SDK1: variants seen among roughly 807,000 people sequenced by gnomAD.
SDK1 encodes the protein sidekick cell adhesion molecule 1, also known as protein sidekick-1.
SDK1 carries 157 observed loss-of-function variants against 245.5 expected under a neutral mutation model. The ratio of observed to expected loss-of-function variants is 0.64; its 90% confidence interval spans 0.56 to 0.73. The LOEUF (loss-of-function observed/expected upper bound fraction) is 0.73. SDK1 is among the 30% of genes least tolerant of loss of function. The pLI, the probability that SDK1 is intolerant of heterozygous loss-of-function variation, is 0.00. For missense variants in SDK1, 3,583 were observed against 3,002.3 expected (o/e 1.19, Z -4.52); for synonymous variants, 1,647 against 1,278.5 (o/e 1.29, Z -6.15).
At chr7:3,878,142 G>C (rs1039066103) in intron 5 of SDK1, among the ~76,000 whole-genome samples, 19 of 152,194 alleles carry the variant, frequency 1.2e-4, no homozygotes, top group African/African-American at 4.1e-4. Flanking sequence ...TGATAAATGA[G>C]AGAAGTTTCT....
rs140159178 is a variant in SDK1, at chr7:4,141,091, C to T, written c.4229-4631C>T. Among the ~76,000 whole-genome samples, 540 of 152,320 alleles carry T rather than the reference C, an allele frequency of 3.5e-3. 2 individuals are homozygous for T. Among genetic ancestry groups the T allele is most frequent in the Non-Finnish European group, 5.4e-3 (364 of 68,026 alleles). On this transcript the variant is annotated intron_variant, in intron 28 of 44. Transcript: ENST00000404826. ...CTGAGAGAGAGGCAAGGACCACACA[C>T]GAAAAACAATCCACAAACCCGAGGC...
At chr7:4,147,419 C>G (rs1780053554) in intron 29 of SDK1, among the ~76,000 whole-genome samples, 1 of 152,080 alleles carries the variant, frequency 6.6e-6, no homozygotes, top group Non-Finnish European at 1.5e-5. Flanking sequence ...AGGCATGAGC[C>G]ACTGTGCCCA....
intron 1 of SDK1, among the ~76,000 whole-genome samples, chr7:3,499,711 C>G (rs912726900): frequency 1.3e-5 from 2 of 152,154 alleles, no homozygotes; most frequent in Non-Finnish European, 2.9e-5. Context: ...AGAAACGGAG[C>G]TGAGTCTGGG....
intron 1 of SDK1, among the ~76,000 whole-genome samples, chr7:3,609,577 T>G (rs1243236915): frequency 6.6e-6 from 1 of 151,934 alleles, no homozygotes; most frequent in African/African-American, 2.4e-5. Flanking sequence ...ATTTTTTGTA[T>G]TTTCAGTAGA....
rs77979995 is a variant in SDK1, at chr7:3,669,008, A to G, written c.713+26903A>G. On this transcript the variant is annotated intron_variant, in intron 4 of 44. Transcript: ENST00000404826. ...TGCTGTGCCCCATTTGAAAAGGACA[A>G]TTGGCCACATAAGGGCTCAAGAAGT... Among the ~76,000 whole-genome samples, 936 of 152,296 alleles carry G rather than the reference A, an allele frequency of 6.1e-3. 7 individuals are homozygous for G. Among genetic ancestry groups the G allele is most frequent in the African/African-American group, 0.019 (808 of 41,554 alleles).
chr7:4,036,433 T>A (rs1788223835), intron 17 of SDK1, among the ~76,000 whole-genome samples: 1 of 152,268 alleles, frequency 6.6e-6, no homozygotes, highest in East Asian at 1.9e-4. Flanking sequence ...TGGATGCCGC[T>A]CTACCAGTCT....
In SDK1 at chr7:3,568,060, A is replaced by G. The variant is rs143563571; in HGVS notation, c.299-51020A>G. Among the ~76,000 whole-genome samples the G allele has an allele frequency of 5.2e-3, 787 of 152,228 alleles. 4 individuals carry two copies. Among genetic ancestry groups the G allele is most frequent in the African/African-American group, 0.018 (751 of 41,532 alleles). On this transcript the variant is annotated intron_variant, in intron 1 of 44. Transcript: ENST00000404826. ...GGTCTCAAACTCCTGAGCTCAAGCA[A>G]TCCTCCCACCTTAGCCTCACAAAGT... is the stretch of plus-strand genomic sequence containing the variant.
At chr7:4,219,912 C>T (rs1026835207) in intron 38 of SDK1, among the ~76,000 whole-genome samples, 197 bp from the exon 39 acceptor site, 5 of 151,926 alleles carry the variant, frequency 3.3e-5, no homozygotes, top group Non-Finnish European at 7.4e-5. Flanking sequence ...TCAGCACCCA[C>T]TTACCAAGCT....
At chr7:3,488,578 C>T (rs1419506222) in intron 1 of SDK1, among the ~76,000 whole-genome samples, 1 of 152,140 alleles carries the variant, frequency 6.6e-6, no homozygotes, top group Non-Finnish European at 1.5e-5. Context: ...CTTCCATGAT[C>T]ACAAAATGAT....
intron 1 of SDK1, among the ~76,000 whole-genome samples, chr7:3,563,348 T>C (rs1273652088): frequency 6.6e-6 from 1 of 151,722 alleles, no homozygotes; most frequent in Non-Finnish European, 1.5e-5. Flanking sequence ...AAAAACAAGA[T>C]ACAAAAAATA....
intron 19 of SDK1, among the ~76,000 whole-genome samples, chr7:4,066,924 T>C (rs1779944420): frequency 6.6e-6 from 1 of 152,176 alleles, no homozygotes; most frequent in African/African-American, 2.4e-5. Flanking sequence ...TTAACTCATG[T>C]TTTAGACTCT....
chr7:3,830,497 G>T (rs1340297077), intron 5 of SDK1, among the ~76,000 whole-genome samples: 3 of 151,954 alleles, frequency 2.0e-5, no homozygotes, highest in Non-Finnish European at 4.4e-5. Flanking sequence ...ATTTTGTTTT[G>T]TTTTGTTTTG....
chr7:3,477,185 T>A (rs1225725891), intron 1 of SDK1, among the ~76,000 whole-genome samples: 1 of 138,890 alleles, frequency 7.2e-6, no homozygotes, highest in East Asian at 2.1e-4. Flanking sequence ...TTTATGGTTT[T>A]CTCCTTTTTT....
intron 5 of SDK1, among the ~76,000 whole-genome samples, chr7:3,947,530 T>TGTGTG (rs1554286519): frequency 2.8e-5 from 4 of 140,454 alleles, no homozygotes; most frequent in Admixed American, 7.2e-5. Flanking sequence ...AAGTATTTGC[T>TGTGTG]TGTGTGTGTG....
intron 1 of SDK1, among the ~76,000 whole-genome samples, chr7:3,516,118 CTTT>C (rs11371619): frequency 7.1e-6 from 1 of 140,002 alleles, no homozygotes. Flanking sequence ...AAGATATTTT[CTTT>C]TTTTTTTTTT....
chr7:3,723,369 G>T (rs1778877357), intron 4 of SDK1, among the ~76,000 whole-genome samples: 1 of 152,056 alleles, frequency 6.6e-6, no homozygotes, highest in Non-Finnish European at 1.5e-5. Context: ...TGAAAAATAC[G>T]GTATTTGTTG....
At chr7:3,464,232 T>G (rs1226682163) in intron 1 of SDK1, among the ~76,000 whole-genome samples, 6 of 152,120 alleles carry the variant, frequency 3.9e-5, no homozygotes, top group African/African-American at 1.2e-4. Flanking sequence ...TCTGTTGAAA[T>G]AAGGTATTGG....
chr7:3,494,925 C>T (rs56228709), intron 1 of SDK1, among the ~76,000 whole-genome samples: 1 of 152,154 alleles, frequency 6.6e-6, no homozygotes, highest in African/African-American at 2.4e-5. Flanking sequence ...TATCTGCAAC[C>T]ATGACCTCCC....
At chr7:3,495,126 T>G (rs1013145549) in intron 1 of SDK1, among the ~76,000 whole-genome samples, 2 of 152,162 alleles carry the variant, frequency 1.3e-5, no homozygotes, top group African/African-American at 4.8e-5. Flanking sequence ...CTCTGAAGCT[T>G]GAAACTGCAG....
Sources: allele counts gnomAD v4.1 joint callset (sites outside exome capture counted in the v4.1 genomes callset), GRCh38; gene constraint gnomAD v4.1.1; transcripts MANE v1.5; gene names NCBI Gene and HGNC (gene_info 2026-07-23, HGNC 2026-07-21).